The following HTD2 variants were observed in gnomAD, a reference collection of about 807,000 sequenced individuals.
HTD2 encodes the protein hydroxyacyl-thioester dehydratase type 2, also known as hydroxyacyl-thioester dehydratase type 2, mitochondrial.
HTD2 carries 1 observed loss-of-function variant against 3.1 expected under a neutral mutation model. The ratio of observed to expected loss-of-function variants is 0.32; its 90% CI spans 0.11 to 1.52. HTD2 has a LOEUF of 1.52. Ranked by LOEUF, HTD2 falls within the 40% of genes most tolerant of loss-of-function variation. The pLI is 0.39. For missense variants in HTD2, 150 were observed against 79.6 expected (o/e 1.88, Z -3.36); for synonymous variants, 50 against 28.9 (o/e 1.73, Z -2.34).
chr3:58,307,824 G>T (rs9857333), intron 1 of HTD2: 1 of 151,230 alleles, frequency 6.6e-6, no homozygotes, highest in Non-Finnish European at 1.5e-5. Flanking sequence ...CTCCTTTAAT[G>T]TCAGAACAGC....
chr3:58,317,194 A>G (rs983401023), intron 4 of HTD2, among the ~76,000 whole-genome samples: 1 of 152,244 alleles, frequency 6.6e-6, no homozygotes, highest in African/African-American at 2.4e-5. Flanking sequence ...ATGTTTTGGG[A>G]TAAAACTTGC....
In HTD2 at chr3:58,310,597, G is replaced by A; in HGVS notation, c.-331+6G>A. On this transcript the variant is annotated splice_donor_region_variant and intron_variant, in intron 2 of 4. Transcript: ENST00000461393. ...TGAAGGACCTGTTTGGGGAGGTATG[G>A]AATCACTTGGTAGATTGAACATTCC... The A allele has an allele frequency of 1.2e-6, 2 of 1,606,994 alleles. No individual in the cohort carries two copies. The highest frequency in any genetic ancestry group is 2.2e-5 in the South Asian group (2 of 90,532).
intron 2 of HTD2, among the ~76,000 whole-genome samples, chr3:58,313,093 C>G (rs2097484153): frequency 6.6e-6 from 1 of 151,710 alleles, no homozygotes; most frequent in Non-Finnish European, 1.5e-5. Context: ...GAAACCCTGT[C>G]TCTACTAAAA....
At chr3:58,309,978 T>G (rs1442076159) in intron 1 of HTD2, 1 of 207,504 alleles carries the variant, frequency 4.8e-6, no homozygotes, top group Non-Finnish European at 9.8e-6. Flanking sequence ...GTTGGGCAAA[T>G]TGCTTGAGCC....
chr3:58,312,804 T>A (rs2097483730), intron 2 of HTD2, among the ~76,000 whole-genome samples: 1 of 151,650 alleles, frequency 6.6e-6, no homozygotes, highest in African/African-American at 2.4e-5. Flanking sequence ...CTACTGAAAA[T>A]ACAAAAATTA....
In HTD2 at chr3:58,319,508, G is replaced by T. The variant is rs10687; in HGVS notation, c.*1388G>T. 0.23 allele frequency: 34,591 copies of T among 152,028 alleles called. 5,842 individuals carry two copies. Among genetic ancestry groups the T allele is most frequent in the East Asian group, 0.81 (4,183 of 5,170 alleles). The allele number at this position is 152,028 out of a possible 1,614,324, so 9.4% of individuals were successfully genotyped here. ...GCCCACAGTTAAACGTAACAGACCAGTTTTTCAGGGTGTCAGCCAACCTCT... is the reference window on the plus strand; with the variant it reads ...GCCCACAGTTAAACGTAACAGACCATTTTTTCAGGGTGTCAGCCAACCTCT... On this transcript the variant is annotated 3_prime_UTR_variant, in exon 5 of 5. Transcript: ENST00000461393.
chr3:58,310,632 TG>T, intron 2 of HTD2, 41 bp downstream of exon 2: 2 of 1,546,758 alleles, frequency 1.3e-6, no homozygotes. Context: ...CAAAGATCTT[TG>T]TAAGAAATAC....
At position 58,318,028 on chromosome 3, in the gene HTD2, A is replaced by G. The variant is rs2097490209; in HGVS notation, c.415A>G (p.Ile139Val). ...GAAAAAGCTGAAGCGGTTCATTGCT[A>G]TTATTGCAGTGTCATGTTCTGTAAT... ...EVKKLKRFIA[I>V]IAVSCSVIES... Residue 139 changes from isoleucine to valine, a missense_variant, in exon 5 of 5, where the codon ATT becomes GTT. Transcript: ENST00000461393. The G allele has an allele frequency of 7.1e-6, 5 of 702,498 alleles. No homozygotes were observed. The highest frequency in any genetic ancestry group is 1.0e-5 in the Non-Finnish European group (4 of 384,924). 43.5% of individuals were successfully genotyped at this position (702,498 alleles called of 1,614,324 possible).
intron 2 of HTD2, among the ~76,000 whole-genome samples, chr3:58,314,695 T>C (rs112128900): frequency 7.0e-6 from 1 of 143,444 alleles, no homozygotes; most frequent in Non-Finnish European, 1.5e-5. Context: ...TTTTTTTTTT[T>C]TTTTTGTTGA....
At chr3:58,315,629 G>A (rs1318728713) in intron 2 of HTD2, 4 of 152,140 alleles carry the variant, frequency 2.6e-5, no homozygotes, top group African/African-American at 9.7e-5. Flanking sequence ...TGACATTGTG[G>A]GAGGCTGGAT....
chr3:58,308,759 G>A (rs1213361429), intron 1 of HTD2, among the ~76,000 whole-genome samples: 1 of 151,752 alleles, frequency 6.6e-6, no homozygotes, highest in Admixed American at 6.6e-5. Context: ...CCTGTTCCCT[G>A]TAGTGGGGGA....
chr3:58,312,334 A>ACCGCCCC (rs1488023508), intron 2 of HTD2, among the ~76,000 whole-genome samples: 4 of 69,662 alleles, frequency 5.7e-5, no homozygotes, highest in African/African-American at 1.6e-4. Context: ...CAACCTCCGC[A>ACCGCCCC]CCCCCCCCCG....
rs916210139 is a variant in HTD2 at position 58,318,126 on chromosome 3, A to T, written c.*6A>T. On this transcript the variant is annotated 3_prime_UTR_variant, in exon 5 of 5. Coordinates refer to ENST00000461393, the MANE Select transcript of HTD2 (RefSeq NM_001348712.2). ...CAGAAGCTTCCAAATCCTGAAATAG[A>T]TGTTTTAAAGATGCAACCTCAAACA... 3 of 632,518 alleles carry T rather than the reference A, an allele frequency of 4.7e-6. No homozygotes were observed. Among genetic ancestry groups the T allele is most frequent in the African/African-American group, 3.7e-5 (2 of 54,370 alleles). 39.2% of individuals were successfully genotyped at this position (632,518 alleles called of 1,614,324 possible). A position where few individuals can be genotyped will look rare whatever the true frequency, so the allele number is the denominator to read the frequency against.
intron 2 of HTD2, among the ~76,000 whole-genome samples, chr3:58,312,334 AC>A (rs76719108): frequency 4.6e-4 from 32 of 69,680 alleles, no homozygotes; most frequent in East Asian, 1.4e-3. Flanking sequence ...CAACCTCCGC[AC>A]CCCCCCCCGC....
chr3:58,316,582 T>C lies in HTD2; in HGVS notation c.-263T>C. The stretch of plus-strand genomic sequence containing the variant: ...AAGACCTTGTCAGCCATCTTGAGAA[T>C]ATGTAGCAGGTATGACAGAGAGTGG... On this transcript the variant is annotated 5_prime_UTR_variant, in exon 3 of 5. Transcript: ENST00000461393. The C allele has an allele frequency of 6.2e-7, 1 of 1,613,804 alleles. No individual in the cohort carries two copies. The highest frequency in any genetic ancestry group is 8.5e-7 in the Non-Finnish European group (1 of 1,179,712).
At chr3:58,310,070 C>T (rs542954165) in intron 1 of HTD2, 28 of 441,360 alleles carry the variant, frequency 6.3e-5, no homozygotes, top group South Asian at 2.2e-4. Context: ...TGTGGTGGCA[C>T]GTGCCTATAC....
chr3:58,318,140 CA>C lies in HTD2; in HGVS notation c.*22del. 1.6e-6 allele frequency: 1 copy of C among 622,480 alleles called. No individual in the cohort carries two copies. Among genetic ancestry groups the C allele is most frequent in the Non-Finnish European group, 2.8e-6 (1 of 351,220 alleles). 38.6% of individuals were successfully genotyped at this position (622,480 alleles called of 1,614,324 possible). A position where few individuals can be genotyped will look rare whatever the true frequency, so the allele number is the denominator to read the frequency against. ...TCCTGAAATAGATGTTTTAAAGATGCAACCTCAAACACCAATGCTGTTGTTA... is the reference window on the plus strand; with the variant it reads ...TCCTGAAATAGATGTTTTAAAGATGCACCTCAAACACCAATGCTGTTGTTA... On this transcript the variant is annotated 3_prime_UTR_variant, in exon 5 of 5. Coordinates refer to ENST00000461393, the MANE Select transcript of HTD2 (RefSeq NM_001348712.2).
Position 58,317,892 on chromosome 3 carries a change from A to T in HTD2, c.279A>T (p.Ser93=), listed in dbSNP as rs1219269522. 2 of 702,986 alleles carry T rather than the reference A, an allele frequency of 2.8e-6. No individual in the cohort carries two copies. Among genetic ancestry groups the T allele is most frequent in the Middle Eastern group, 2.3e-4 (1 of 4,370 alleles). 43.5% of individuals were successfully genotyped at this position (702,986 alleles called of 1,614,324 possible). A position where few individuals can be genotyped will look rare whatever the true frequency, so the allele number is the denominator to read the frequency against. Residue 93 remains serine, a synonymous_variant, in exon 5 of 5, where the codon TCA becomes TCT. Coordinates refer to ENST00000461393, the MANE Select transcript of HTD2 (RefSeq NM_001348712.2). ...VHGVLINGLI[S]ALLGTKMPGP... ...GAGTTTTGATCAACGGACTTATCTCAGCTCTCCTAGGAACTAAAATGCCAG... is the reference window on the plus strand; with the variant it reads ...GAGTTTTGATCAACGGACTTATCTCTGCTCTCCTAGGAACTAAAATGCCAG...
At chr3:58,310,482 C>CT (rs59232688) in intron 1 of HTD2, 25 bp from the exon 2 acceptor site, 23,468 of 1,278,736 alleles carry the variant, frequency 0.018, no homozygotes, top group Non-Finnish European at 0.021. Context: ...TTTAATATGA[C>CT]TTTTTTTTTT....
Sources: allele counts gnomAD v4.1 joint callset (sites outside exome capture counted in the v4.1 genomes callset), GRCh38; gene constraint gnomAD v4.1.1; transcripts MANE v1.5; gene names NCBI Gene and HGNC (gene_info 2026-07-23, HGNC 2026-07-21).